The following PACS1 variants were observed in gnomAD, a reference collection of about 807,000 sequenced individuals.
The protein encoded by PACS1 is phosphofurin acidic cluster sorting protein 1.
PACS1 carries 24 observed loss-of-function variants against 115.0 expected under a neutral mutation model. The observed-to-expected ratio is 0.21, with a 90% CI of 0.15 to 0.29. PACS1 has a LOEUF of 0.29. Ranked by LOEUF, PACS1 falls within the 10% of genes least tolerant of loss-of-function variation. The pLI is 1.00. For synonymous variants in PACS1, 453 were observed against 504.5 expected (o/e 0.90, Z 1.37); for missense variants, 838 against 1,251.2 (o/e 0.67, Z 4.98).
intron 1 of PACS1, among the ~76,000 whole-genome samples, chr11:66,161,169 C>T: frequency 6.6e-6 from 1 of 152,144 alleles, no homozygotes; most frequent in East Asian, 1.9e-4. Flanking sequence ...TTTCATCAGC[C>T]TCTGAAATAG....
intron 1 of PACS1, among the ~76,000 whole-genome samples, chr11:66,147,997 T>G (rs556674197): frequency 6.6e-6 from 1 of 152,066 alleles, no homozygotes; most frequent in South Asian, 2.1e-4. Flanking sequence ...AAAATAAATT[T>G]TTAAAATTTA....
chr11:66,240,682 C>T (rs993882430), intron 21 of PACS1, among the ~76,000 whole-genome samples: 8 of 151,932 alleles, frequency 5.3e-5, no homozygotes, highest in African/African-American at 1.7e-4. Context: ...GAGGCGTTTT[C>T]TCTCATCTCA....
At chr11:66,213,760 G>T (rs191144307) in intron 4 of PACS1, among the ~76,000 whole-genome samples, 179 of 152,332 alleles carry the variant, frequency 1.2e-3, no homozygotes, top group Non-Finnish European at 1.8e-3. Flanking sequence ...TGGGCTGGGC[G>T]CAGTGGCTTA....
At chr11:66,172,883 G>A (rs1859770400) in intron 1 of PACS1, among the ~76,000 whole-genome samples, 2 of 151,478 alleles carry the variant, frequency 1.3e-5, no homozygotes, top group South Asian at 2.1e-4. Flanking sequence ...GGCTGAGGCA[G>A]GAGAATCGCT....
chr11:66,179,619 T>A (rs117551258), intron 1 of PACS1, among the ~76,000 whole-genome samples: 324 of 152,268 alleles, frequency 2.1e-3, no homozygotes, highest in Non-Finnish European at 3.8e-3. Flanking sequence ...ACTTAAAAGG[T>A]TTCTGTTATC....
At chr11:66,207,817 T>A (rs1854978080) in intron 2 of PACS1, among the ~76,000 whole-genome samples, 1 of 152,202 alleles carries the variant, frequency 6.6e-6, no homozygotes, top group Admixed American at 6.5e-5. Flanking sequence ...TTGCCCAGGC[T>A]GGAGTGCAAT....
intron 1 of PACS1, among the ~76,000 whole-genome samples, chr11:66,170,817 C>T (rs534000463): frequency 2.1e-5 from 3 of 144,294 alleles, no homozygotes; most frequent in South Asian, 2.2e-4. Context: ...GTGGCATGCA[C>T]GTTAGTCCTA....
intron 1 of PACS1, among the ~76,000 whole-genome samples, chr11:66,155,429 C>G (rs1382455710): frequency 6.6e-6 from 1 of 152,066 alleles, no homozygotes; most frequent in East Asian, 1.9e-4. Flanking sequence ...TTTAAATGCA[C>G]AAAAGATTTC....
intron 1 of PACS1, chr11:66,083,931 T>C (rs1857526099): frequency 1.3e-5 from 2 of 152,218 alleles, no homozygotes; most frequent in African/African-American, 4.8e-5. Flanking sequence ...ACCTTTACTG[T>C]TTCCTCATTT....
chr11:66,134,655 T>TA (rs1005902905), intron 1 of PACS1, among the ~76,000 whole-genome samples: 1 of 152,026 alleles, frequency 6.6e-6, no homozygotes, highest in African/African-American at 2.4e-5. Context: ...AGCCTGTACA[T>TA]ATGGAAGTCC....
chr11:66,189,800 C>T (rs1011674072), intron 1 of PACS1, among the ~76,000 whole-genome samples: 9 of 152,206 alleles, frequency 5.9e-5, no homozygotes, highest in African/African-American at 1.9e-4. Flanking sequence ...CCATCAGAAG[C>T]GTTCATGATT....
chr11:66,135,730 C>A (rs1858825955), intron 1 of PACS1, among the ~76,000 whole-genome samples: 1 of 151,178 alleles, frequency 6.6e-6, no homozygotes, highest in South Asian at 2.1e-4. Flanking sequence ...AATCTCAACT[C>A]AGTGCAACCT....
At chr11:66,199,582 AGAAG>A (rs1320539053) in intron 2 of PACS1, among the ~76,000 whole-genome samples, 4 of 152,194 alleles carry the variant, frequency 2.6e-5, no homozygotes, top group Non-Finnish European at 5.9e-5. Context: ...CAAGAAGGAA[AGAAG>A]GAAGGAAGAT....
intron 1 of PACS1, among the ~76,000 whole-genome samples, chr11:66,173,005 T>G (rs1279216333): frequency 1.3e-5 from 2 of 151,036 alleles, no homozygotes; most frequent in Non-Finnish European, 2.9e-5. Flanking sequence ...GTTATCAGTA[T>G]TGTTACACAG....
In PACS1 at chr11:66,203,359, C is replaced by CA. The variant is rs573319845; in HGVS notation, c.445-6997dup. On this transcript the variant is annotated intron_variant, in intron 2 of 23. Coordinates refer to ENST00000320580, the MANE Select transcript of PACS1 (RefSeq NM_018026.4). ...GATGCAAGAAATCTAAATAGACACA[C>CA]AAAAAATGGAAAGATATTCCATATT... 1.8e-3 allele frequency among the ~76,000 whole-genome samples: 267 copies of CA among 152,040 alleles called. 1 individual carries two copies. Among genetic ancestry groups the CA allele is most frequent in the African/African-American group, 6.2e-3 (259 of 41,506 alleles).
chr11:66,232,677 G>A (rs192414378), intron 14 of PACS1, among the ~76,000 whole-genome samples: 3 of 152,108 alleles, frequency 2.0e-5, no homozygotes, highest in East Asian at 1.9e-4. Flanking sequence ...CTCCCTCACC[G>A]CTGTCCACCT....
chr11:66,091,819 A>G (rs1228702497), intron 1 of PACS1, among the ~76,000 whole-genome samples: 3 of 151,722 alleles, frequency 2.0e-5, no homozygotes, highest in Non-Finnish European at 4.4e-5. Flanking sequence ...ATGATTTCCA[A>G]TTTCATCCAT....
intron 1 of PACS1, among the ~76,000 whole-genome samples, chr11:66,186,103 C>CA (rs935184226): frequency 1.6e-4 from 24 of 151,646 alleles, no homozygotes; most frequent in Non-Finnish European, 2.4e-4. Flanking sequence ...CCCATCGCTG[C>CA]AAAAAAAATT....
chr11:66,110,290 T>G (rs1469618904), intron 1 of PACS1, among the ~76,000 whole-genome samples: 1 of 151,352 alleles, frequency 6.6e-6, no homozygotes, highest in Non-Finnish European at 1.5e-5. Flanking sequence ...GTCTCCTGAT[T>G]TAAAAAAAAA....
Sources: gnomAD v4.1 joint callset for allele counts (sites outside exome capture counted in the v4.1 genomes callset) on GRCh38, gnomAD v4.1.1 for gene constraint, MANE v1.5 for transcripts, NCBI Gene and HGNC (gene_info 2026-07-23, HGNC 2026-07-21) for gene names.